SLC35F1: variants seen among roughly 807,000 people sequenced by gnomAD.
The protein encoded by SLC35F1 is solute carrier family 35 member F1, also known as chromosome 6 open reading frame 169.
In SLC35F1, 14 loss-of-function variants were observed where a neutral mutation model predicts 48.7. That is an observed-to-expected ratio of 0.29 (90% CI 0.19 to 0.45). The LOEUF is 0.45. SLC35F1 is among the 20% of genes least tolerant of loss of function. The pLI is 1.00. For synonymous variants in SLC35F1, 190 were observed against 202.2 expected (o/e 0.94, Z 0.51); for missense variants, 404 against 500.0 (o/e 0.81, Z 1.83).
intron 1 of SLC35F1, among the ~76,000 whole-genome samples, chr6:118,077,493 A>G (rs1772838613): frequency 6.6e-6 from 1 of 152,238 alleles, no homozygotes; most frequent in African/African-American, 2.4e-5. Context: ...GAATGGATAA[A>G]ATCCTATCAA....
At chr6:117,999,568 G>GGA (rs540292241) in intron 1 of SLC35F1, 3 of 430,934 alleles carry the variant, frequency 7.0e-6, no homozygotes, top group Non-Finnish European at 1.2e-5. Context: ...CCTGAGGCAG[G>GGA]AAAAAAAAAA....
chr6:118,260,126 G>A (rs1775694072), intron 3 of SLC35F1, among the ~76,000 whole-genome samples: 1 of 152,178 alleles, frequency 6.6e-6, no homozygotes, highest in Non-Finnish European at 1.5e-5. Flanking sequence ...GTCACAAAGG[G>A]TCACATATTG....
At chr6:118,255,619 C>T (rs774964518) in intron 3 of SLC35F1, among the ~76,000 whole-genome samples, 4 of 152,158 alleles carry the variant, frequency 2.6e-5, no homozygotes, top group Admixed American at 6.5e-5. Flanking sequence ...CCTTTGAGAG[C>T]TGAAGCCAAA....
chr6:118,229,227 T>G (rs370771286), intron 2 of SLC35F1, among the ~76,000 whole-genome samples: 26 of 152,276 alleles, frequency 1.7e-4, no homozygotes, highest in African/African-American at 6.0e-4. Flanking sequence ...ATTTTTGTAA[T>G]GAGACTTTTT....
At chr6:117,964,378 A>T (rs1325250073) in intron 1 of SLC35F1, among the ~76,000 whole-genome samples, 1 of 152,198 alleles carries the variant, frequency 6.6e-6, no homozygotes, top group Admixed American at 6.5e-5. Flanking sequence ...TCCAATTTAA[A>T]ACTTCCTCTC....
chr6:118,277,358 C>A, intron 5 of SLC35F1, 136 bp from the exon 6 acceptor site: 1 of 785,168 alleles, frequency 1.3e-6, no homozygotes, highest in Non-Finnish European at 2.1e-6. Context: ...TTCTGCATGA[C>A]CCAAAATTCT....
chr6:118,096,771 A>G (rs951496611), intron 1 of SLC35F1, among the ~76,000 whole-genome samples: 2 of 152,152 alleles, frequency 1.3e-5, no homozygotes, highest in African/African-American at 4.8e-5. Context: ...AATATTACTG[A>G]AAAACACAGA....
chr6:118,050,624 T>C lies in SLC35F1; in HGVS notation c.174-103821T>C, dbSNP rs192071188. Among the ~76,000 whole-genome samples, 48 of 152,106 alleles carry C rather than the reference T, an allele frequency of 3.2e-4. No homozygotes were observed. The East Asian group carries it at 9.1e-3, about 29-fold the overall frequency. ...AGGGAGAACAACACACTTGAAGGAC[T>C]GGAGGAGAGTGAGCACAAGGTCTGA... On this transcript the variant is annotated intron_variant, in intron 1 of 7. Transcript: ENST00000360388.
intron 2 of SLC35F1, among the ~76,000 whole-genome samples, chr6:118,230,662 A>G (rs1296691018): frequency 6.6e-6 from 1 of 152,154 alleles, no homozygotes; most frequent in Non-Finnish European, 1.5e-5. Flanking sequence ...GTGAACCAAA[A>G]CAGGAGCCTA....
rs190168406 is a variant in SLC35F1, at chr6:117,970,185, A to G, written c.173+62286A>G. Among the ~76,000 whole-genome samples the G allele has an allele frequency of 7.9e-5, 12 of 152,286 alleles. 1 individual carries two copies. In the East Asian group the frequency reaches 2.3e-3, roughly 29 times the overall value. On this transcript the variant is annotated intron_variant, in intron 1 of 7. Transcript: ENST00000360388. The stretch of plus-strand genomic sequence containing the variant: ...ATTCATCATGCCAGTGACTCTGCCA[A>G]CTGCAGTGTTTGAAGTTGAATACTG...
At chr6:118,182,300 A>G (rs925534918) in intron 2 of SLC35F1, among the ~76,000 whole-genome samples, 1 of 151,926 alleles carries the variant, frequency 6.6e-6, no homozygotes, top group Non-Finnish European at 1.5e-5. Flanking sequence ...AGCATGGGCA[A>G]TATCTCTACA....
intron 1 of SLC35F1, among the ~76,000 whole-genome samples, chr6:118,110,050 GAA>G (rs1357049506): frequency 1.3e-5 from 2 of 152,088 alleles, no homozygotes. Context: ...TCTTACAAAG[GAA>G]AAGAGTCAGT....
intron 2 of SLC35F1, among the ~76,000 whole-genome samples, chr6:118,226,692 C>G (rs545088642): frequency 6.6e-6 from 1 of 152,156 alleles, no homozygotes; most frequent in South Asian, 2.1e-4. Context: ...CTCGTGGTTA[C>G]CAGACGCTGG....
intron 1 of SLC35F1, among the ~76,000 whole-genome samples, chr6:118,118,737 T>C (rs1243548459): frequency 6.6e-6 from 1 of 152,134 alleles, no homozygotes; most frequent in Admixed American, 6.6e-5. Flanking sequence ...ATCTGGTGGG[T>C]AAACAGAGCA....
intron 1 of SLC35F1, among the ~76,000 whole-genome samples, chr6:117,962,429 A>G (rs1776509207): frequency 6.6e-6 from 1 of 152,216 alleles, no homozygotes; most frequent in Admixed American, 6.5e-5. Context: ...ACATTTTGAA[A>G]TGACTCCCTC....
intron 1 of SLC35F1, among the ~76,000 whole-genome samples, chr6:117,956,660 G>A (rs1027466270): frequency 1.3e-5 from 2 of 152,194 alleles, no homozygotes; most frequent in African/African-American, 4.8e-5. Flanking sequence ...ACTAATAGGA[G>A]ACATTGCAGA....
At chr6:118,056,188 G>A (rs1011812051) in intron 1 of SLC35F1, among the ~76,000 whole-genome samples, 1 of 152,098 alleles carries the variant, frequency 6.6e-6, no homozygotes, top group Non-Finnish European at 1.5e-5. Context: ...TAGCATATAT[G>A]TTAGGTTTAT....
chr6:118,209,496 CT>C (rs1774976446), intron 2 of SLC35F1, among the ~76,000 whole-genome samples: 1 of 152,058 alleles, frequency 6.6e-6, no homozygotes, highest in Non-Finnish European at 1.5e-5. Context: ...TTTACAAGGC[CT>C]TTCTAAAAAT....
At chr6:118,061,450 T>C (rs542379366) in intron 1 of SLC35F1, among the ~76,000 whole-genome samples, 54 of 152,256 alleles carry the variant, frequency 3.5e-4, no homozygotes, top group African/African-American at 1.2e-3. Flanking sequence ...TAAAGATTGT[T>C]TACTTGATAG....
Sources: allele counts gnomAD v4.1 joint callset (sites outside exome capture counted in the v4.1 genomes callset), GRCh38; gene constraint gnomAD v4.1.1; transcripts MANE v1.5; gene names NCBI Gene and HGNC (gene_info 2026-07-23, HGNC 2026-07-21).